Variants in CORO2B observed in about 807,000 individuals in gnomAD.
CORO2B encodes the protein coronin 2B.
In CORO2B, 26 loss-of-function variants were observed where a neutral mutation model predicts 58.8. The observed-to-expected ratio is 0.44, with a 90% confidence interval of 0.32 to 0.61. The LOEUF is 0.61. Among genes scored for constraint, CORO2B ranks in the 20% least tolerant of loss-of-function variants. CORO2B has a pLI of 0.04. For synonymous variants in CORO2B, 242 were observed against 253.8 expected (o/e 0.95, Z 0.44); for missense variants, 460 against 645.1 (o/e 0.71, Z 3.11).
chr15:68,616,262 C>T (rs995502890), intron 1 of CORO2B, among the ~76,000 whole-genome samples: 1 of 152,200 alleles, frequency 6.6e-6, no homozygotes. Context: ...TCCCCATCAC[C>T]TCAGATGCAC....
the CORO2B span, among the ~76,000 whole-genome samples, chr15:68,565,848 C>T: frequency 6.6e-6 from 1 of 152,224 alleles, no homozygotes; most frequent in African/African-American, 2.4e-5. Flanking sequence ...CTGATGGTTC[C>T]CCAGTTTCCC....
At chr15:68,560,803 T>G in the CORO2B span, among the ~76,000 whole-genome samples, 35 of 152,300 alleles carry the variant, frequency 2.3e-4, no homozygotes, top group African/African-American at 8.4e-4. Flanking sequence ...CATAAGCCAG[T>G]GATCTTACTA....
chr15:68,595,254 G>A (rs1280380541), intron 1 of CORO2B, among the ~76,000 whole-genome samples: 1 of 152,192 alleles, frequency 6.6e-6, no homozygotes, highest in Non-Finnish European at 1.5e-5. Context: ...GGACAAAGGG[G>A]CCCCCTCCCT....
intron 1 of CORO2B, among the ~76,000 whole-genome samples, chr15:68,596,405 G>T (rs8032777): frequency 1.3e-5 from 2 of 151,396 alleles, no homozygotes; most frequent in African/African-American, 2.4e-5. Flanking sequence ...TGGAATGAAG[G>T]GGGGATAGAG....
the CORO2B span, among the ~76,000 whole-genome samples, chr15:68,552,137 G>A: frequency 6.6e-6 from 1 of 152,216 alleles, no homozygotes; most frequent in East Asian, 1.9e-4. Flanking sequence ...CTGAGCAAGT[G>A]AGAGGCAGAT....
chr15:68,701,228 C>A (rs1164361189), intron 3 of CORO2B, among the ~76,000 whole-genome samples: 2 of 151,534 alleles, frequency 1.3e-5, no homozygotes, highest in African/African-American at 4.9e-5. Flanking sequence ...AGCAGCCAGG[C>A]TCAGGAGTCC....
At chr15:68,582,133 G>A (rs952491447) in intron 1 of CORO2B, among the ~76,000 whole-genome samples, 3 of 152,154 alleles carry the variant, frequency 2.0e-5, no homozygotes, top group African/African-American at 7.2e-5. Flanking sequence ...TTAACCATGA[G>A]GCACAGCTGC....
At chr15:68,562,421 T>G in the CORO2B span, among the ~76,000 whole-genome samples, 1 of 152,218 alleles carries the variant, frequency 6.6e-6, no homozygotes, top group African/African-American at 2.4e-5. Flanking sequence ...CTGATTTTCC[T>G]CCCTTACATC....
chr15:68,621,433 C>T (rs143754104), intron 1 of CORO2B, among the ~76,000 whole-genome samples: 4 of 152,306 alleles, frequency 2.6e-5, no homozygotes, highest in African/African-American at 7.2e-5. Context: ...GAACTGTACT[C>T]GTACTATTGA....
intron 2 of CORO2B, among the ~76,000 whole-genome samples, chr15:68,649,526 C>T (rs778919163): frequency 3.9e-5 from 6 of 152,140 alleles, no homozygotes; most frequent in African/African-American, 9.7e-5. Context: ...AGAGCAGTCT[C>T]GTTCTCCAGC....
At chr15:68,583,008 A>G (rs922201627) in intron 1 of CORO2B, among the ~76,000 whole-genome samples, 5 of 152,182 alleles carry the variant, frequency 3.3e-5, no homozygotes, top group African/African-American at 1.2e-4. Flanking sequence ...AAGACCTTTC[A>G]TGCCAACATG....
chr15:68,540,933 C>G, the CORO2B span, among the ~76,000 whole-genome samples: 2 of 152,280 alleles, frequency 1.3e-5, no homozygotes, highest in Admixed American at 1.3e-4. Flanking sequence ...ATAGTCGTGA[C>G]TTTTCAGATC....
At chr15:68,632,180 C>T (rs1180911146) in intron 1 of CORO2B, 2 of 985,456 alleles carry the variant, frequency 2.0e-6, no homozygotes, top group Non-Finnish European at 2.4e-6. Flanking sequence ...CCGTGGCCCC[C>T]ATGTGGCATA....
intron 1 of CORO2B, among the ~76,000 whole-genome samples, chr15:68,601,848 C>G (rs1899991447): frequency 6.6e-6 from 1 of 152,120 alleles, no homozygotes; most frequent in African/African-American, 2.4e-5. Context: ...TTATAAAGAA[C>G]AGAAATTGAT....
At chr15:68,683,169 G>A (rs2140303877) in intron 2 of CORO2B, among the ~76,000 whole-genome samples, 1 of 152,268 alleles carries the variant, frequency 6.6e-6, no homozygotes, top group Non-Finnish European at 1.5e-5. Flanking sequence ...GGTCCTCCAT[G>A]CCTATATCTC....
intron 2 of CORO2B, among the ~76,000 whole-genome samples, chr15:68,690,095 T>C (rs1202862247): frequency 6.6e-6 from 1 of 152,234 alleles, no homozygotes; most frequent in African/African-American, 2.4e-5. Flanking sequence ...AGGTTATCTG[T>C]GACTATTACA....
At chr15:68,585,080 A>G (rs1312323931) in intron 1 of CORO2B, among the ~76,000 whole-genome samples, 2 of 152,146 alleles carry the variant, frequency 1.3e-5, no homozygotes, top group Non-Finnish European at 1.5e-5. Context: ...ACCTCCTTCC[A>G]ATTAATTAAT....
chr15:68,588,428 C>A (rs1159148683), intron 1 of CORO2B, among the ~76,000 whole-genome samples: 1 of 152,190 alleles, frequency 6.6e-6, no homozygotes, highest in Non-Finnish European at 1.5e-5. Context: ...TGGTGTCCTG[C>A]TTTCATTTGA....
the CORO2B span, among the ~76,000 whole-genome samples, chr15:68,559,784 G>A: frequency 2.0e-5 from 3 of 152,176 alleles, no homozygotes; most frequent in African/African-American, 7.2e-5. This position sits in a 1 kb window ranked among gnomAD's most constrained non-coding sequence, Gnocchi z 4.3. Context: ...CCACCAGGGG[G>A]CGCGGCCCGC....
Sources: allele counts gnomAD v4.1 joint callset (sites outside exome capture counted in the v4.1 genomes callset), GRCh38; gene constraint gnomAD v4.1.1; non-coding constraint Gnocchi (gnomAD v3.1); transcripts MANE v1.5; gene names NCBI Gene and HGNC (gene_info 2026-07-23, HGNC 2026-07-21).